Variants in PLCE1 observed in about 807,000 individuals in gnomAD.
The protein encoded by PLCE1 is 1-phosphatidylinositol 4,5-bisphosphate phosphodiesterase epsilon-1.
A neutral mutation model predicts 242.8 loss-of-function variants in PLCE1; 119 were observed. That is an observed-to-expected ratio of 0.49 (90% CI 0.42 to 0.57). PLCE1 has a LOEUF of 0.57. PLCE1 is among the 20% of genes least tolerant of loss of function. The pLI, the probability that PLCE1 is intolerant of heterozygous loss-of-function variation, is 0.00. For synonymous variants in PLCE1, 945 were observed against 1,017.4 expected (o/e 0.93, Z 1.35); for missense variants, 2,441 against 2,788.8 (o/e 0.88, Z 2.81).
At chr10:94,199,088 A>G (rs1244906537) in intron 4 of PLCE1, among the ~76,000 whole-genome samples, 3 of 152,160 alleles carry the variant, frequency 2.0e-5, no homozygotes, top group African/African-American at 7.2e-5. Flanking sequence ...GTGTTACTGT[A>G]TGTGTCAATA....
At chr10:94,139,019 A>C (rs2046873864) in intron 3 of PLCE1, 1 of 153,674 alleles carries the variant, frequency 6.5e-6, no homozygotes, top group African/African-American at 2.4e-5. Flanking sequence ...ATCGTGGCTC[A>C]TGCATGTAAT....
intron 22 of PLCE1, chr10:94,287,115 A>T (rs2052477366): frequency 6.6e-6 from 1 of 152,220 alleles, no homozygotes; most frequent in Non-Finnish European, 1.5e-5. Context: ...AGAGCTTCTA[A>T]GCATGTGGTT....
intron 2 of PLCE1, among the ~76,000 whole-genome samples, chr10:94,076,067 C>CT (rs2044488524): frequency 6.6e-6 from 1 of 151,974 alleles, no homozygotes; most frequent in African/African-American, 2.4e-5. Context: ...ATGGAAAAGT[C>CT]TGAGACCCAA....
intron 2 of PLCE1, among the ~76,000 whole-genome samples, chr10:94,070,633 C>T (rs771918069): frequency 3.3e-5 from 5 of 152,182 alleles, no homozygotes; most frequent in Non-Finnish European, 7.4e-5. Flanking sequence ...CATGGAGATA[C>T]GCTTTTTGAG....
Position 94,245,994 on chromosome 10 carries a change from A to G in PLCE1, c.2469A>G (p.Gln823=). The G allele has an allele frequency of 6.2e-7, 1 of 1,614,030 alleles. No homozygotes were observed. The highest frequency in any genetic ancestry group is 8.5e-7 in the Non-Finnish European group (1 of 1,179,926). Reference sequence around the variant, plus strand: ...ATTCAGACAATGACATCTTTGAGCAATCCAAAGAATACGACTCTCATGGTT... The same window carrying G: ...ATTCAGACAATGACATCTTTGAGCAGTCCAAAGAATACGACTCTCATGGTT... ...LLDSDNDIFE[Q]SKEYDSHGSE... Residue 823 remains glutamine (Q), a synonymous_variant, in exon 8 of 33, where the codon CAA becomes CAG. Transcript: ENST00000371380.
chr10:94,222,240 A>C (rs1054147074), intron 4 of PLCE1, among the ~76,000 whole-genome samples: 4 of 152,212 alleles, frequency 2.6e-5, no homozygotes, highest in Non-Finnish European at 5.9e-5. Context: ...CTTTGAACTC[A>C]AGGTCCTACA....
In PLCE1 at chr10:94,283,787, C is replaced by A; in HGVS notation, c.4796-3C>A. 6.2e-7 allele frequency: 1 copy of A among 1,610,400 alleles called. No individual in the cohort carries two copies. The highest frequency in any genetic ancestry group is 1.1e-5 in the South Asian group (1 of 90,730). ...TCACTGAAGTCTGCTAACTTATTTTCAGACAACATTCTGGAAGACAGACCT... is the reference window on the plus strand; with the variant it reads ...TCACTGAAGTCTGCTAACTTATTTTAAGACAACATTCTGGAAGACAGACCT... On this transcript the variant is annotated splice_region_variant and splice_polypyrimidine_tract_variant and intron_variant, in intron 20 of 32. Transcript: ENST00000371380.
At chr10:94,017,824 A>C (rs1484054227) in intron 1 of PLCE1, among the ~76,000 whole-genome samples, 1 of 152,188 alleles carries the variant, frequency 6.6e-6, no homozygotes, top group Non-Finnish European at 1.5e-5. Context: ...TAGACATCAG[A>C]TGTAGGGGAT....
chr10:94,178,399 C>G (rs1208211534), intron 4 of PLCE1, among the ~76,000 whole-genome samples: 3 of 152,102 alleles, frequency 2.0e-5, no homozygotes, highest in African/African-American at 7.2e-5. Context: ...GTGGCTCTGC[C>G]CTGGGTGTCT....
At chr10:94,147,166 AAT>A (rs2047139402) in intron 3 of PLCE1, among the ~76,000 whole-genome samples, 1 of 151,986 alleles carries the variant, frequency 6.6e-6, no homozygotes, top group Non-Finnish European at 1.5e-5. Flanking sequence ...TTATGCCTGT[AAT>A]ACCAGCACTT....
At chr10:94,115,346 G>A (rs1046283106) in intron 2 of PLCE1, among the ~76,000 whole-genome samples, 1 of 152,168 alleles carries the variant, frequency 6.6e-6, no homozygotes, top group African/African-American at 2.4e-5. Context: ...TTGCCACACT[G>A]TCTTCCACAA....
chr10:94,251,658 C>A (rs975592534), intron 8 of PLCE1, among the ~76,000 whole-genome samples: 1 of 152,148 alleles, frequency 6.6e-6, no homozygotes, highest in African/African-American at 2.4e-5. Context: ...GCCTTAGAAG[C>A]AGTAGCTACT....
At chr10:94,267,513 C>T (rs914348615) in intron 16 of PLCE1, among the ~76,000 whole-genome samples, 1 of 152,192 alleles carries the variant, frequency 6.6e-6, no homozygotes, top group Non-Finnish European at 1.5e-5. Context: ...AACATTACTC[C>T]ATGGGGCAAA....
At chr10:94,190,747 T>A (rs969129051) in intron 4 of PLCE1, among the ~76,000 whole-genome samples, 39 of 152,386 alleles carry the variant, frequency 2.6e-4, no homozygotes, top group African/African-American at 7.0e-4. Flanking sequence ...TGAAGAAATA[T>A]CTAGTTTGGT....
At chr10:94,229,697 A>T (rs2050078168) in intron 5 of PLCE1, among the ~76,000 whole-genome samples, 1 of 152,236 alleles carries the variant, frequency 6.6e-6, no homozygotes, top group Admixed American at 6.5e-5. Flanking sequence ...TAAATCCAAA[A>T]TCCAAGAAGA....
chr10:94,078,861 A>G (rs1190600088), intron 2 of PLCE1, among the ~76,000 whole-genome samples: 1 of 152,142 alleles, frequency 6.6e-6, no homozygotes, highest in Non-Finnish European at 1.5e-5. Context: ...AACATTACCA[A>G]ATCTGACCTC....
intron 8 of PLCE1, among the ~76,000 whole-genome samples, chr10:94,248,257 C>T (rs932036800): frequency 6.6e-6 from 1 of 152,136 alleles, no homozygotes; most frequent in Admixed American, 6.5e-5. Context: ...ACACAATTAT[C>T]CTAATGTTAC....
Position 94,319,054 on chromosome 10 carries a change from C to CA in PLCE1, c.6342+2306dup, listed in dbSNP as rs535167792. 5.5e-4 allele frequency among the ~76,000 whole-genome samples: 84 copies of CA among 151,444 alleles called. 1 individual carries two copies. Among genetic ancestry groups the CA allele is most frequent in the East Asian group, 1.7e-3 (9 of 5,144 alleles). On this transcript the variant is annotated intron_variant, in intron 29 of 32. Coordinates refer to ENST00000371380, the MANE Select transcript of PLCE1 (RefSeq NM_016341.4). ...CAGAGCAAGACTTCATCTTTAAAAA[C>CA]AAAAAAAAGTATATGACAACAGGCA...
At chr10:94,163,178 C>T (rs4300334) in intron 3 of PLCE1, among the ~76,000 whole-genome samples, 2 of 151,934 alleles carry the variant, frequency 1.3e-5, no homozygotes, top group African/African-American at 2.4e-5. Flanking sequence ...AGGTCCGCTT[C>T]GTGCAGAGCT....
Sources: gnomAD v4.1 joint callset for allele counts (sites outside exome capture counted in the v4.1 genomes callset) on GRCh38, gnomAD v4.1.1 for gene constraint, MANE v1.5 for transcripts, NCBI Gene and HGNC (gene_info 2026-07-23, HGNC 2026-07-21) for gene names.